Variants in COBL observed in about 807,000 individuals in gnomAD.
COBL encodes cordon-bleu WH2 repeat protein.
In COBL, 51 loss-of-function variants were observed where a neutral mutation model predicts 98.8. The ratio of observed to expected loss-of-function variants is 0.52; its 90% CI spans 0.41 to 0.65. The LOEUF is 0.65. Ranked by LOEUF, COBL falls within the 30% of genes least tolerant of loss-of-function variation. The pLI, the probability that COBL is intolerant of heterozygous loss-of-function variation, is 0.00. For synonymous variants in COBL, 634 were observed against 651.7 expected, an observed-to-expected ratio of 0.97 and a Z score of 0.41; for missense variants, 1,617 against 1,617.5, an observed-to-expected ratio of 1.00 and a Z score of 0.01.
In COBL at chr7:51,027,736, C is replaced by T. The variant is rs887032675; in HGVS notation, c.3360G>A (p.Ala1120=). 4.0e-5 allele frequency: 65 copies of T among 1,613,616 alleles called. No homozygotes were observed. The highest frequency in any genetic ancestry group is 5.0e-5 in the Non-Finnish European group (59 of 1,179,788). The change falls in exon 10 of 13, where the codon GCG becomes GCA. Residue 1120 remains alanine, a synonymous_variant. Transcript: ENST00000265136. ...HSALMEAIHS[A]GGKDRLRKTA... ...CCTTGCGTAGTCTGTCCTTCCCTCC[C>T]GCAGAGTGGATGGCTTCCATCAGGG...
At chr7:51,221,098 C>T (rs777839392) in intron 1 of COBL, among the ~76,000 whole-genome samples, 1 of 152,082 alleles carries the variant, frequency 6.6e-6, no homozygotes, top group African/African-American at 2.4e-5. Flanking sequence ...CTGTGGCTCA[C>T]CTAAAGGCAT....
intron 1 of COBL, among the ~76,000 whole-genome samples, chr7:51,221,665 T>C (rs907176569): frequency 6.6e-6 from 1 of 152,224 alleles, no homozygotes; most frequent in Non-Finnish European, 1.5e-5. Context: ...TTTAGAAAGA[T>C]AAAGAATTGG....
In COBL at chr7:51,240,877, T is replaced by C. The variant is rs184227513; in HGVS notation, c.42-20933A>G. Among the ~76,000 whole-genome samples, 137 of 152,328 alleles carry C rather than the reference T, an allele frequency of 9.0e-4. No individual in the cohort carries two copies. In the Middle Eastern group the frequency reaches 0.01, roughly 11 times the overall value. Reference sequence around the variant, plus strand: ...TTTAAATTAGGTACTACACATCCTTTTTATAAGTGAAATTTACGAGACCAC... The same window carrying C: ...TTTAAATTAGGTACTACACATCCTTCTTATAAGTGAAATTTACGAGACCAC... On this transcript the variant is annotated intron_variant, in intron 1 of 12. Coordinates refer to ENST00000265136, the MANE Select transcript of COBL (RefSeq NM_015198.5).
intron 1 of COBL, among the ~76,000 whole-genome samples, chr7:51,294,208 T>A (rs1302140693): frequency 6.6e-6 from 1 of 151,290 alleles, no homozygotes. Flanking sequence ...GGAGAATCAC[T>A]TGAACCTGGG....
intron 5 of COBL, among the ~76,000 whole-genome samples, chr7:51,165,178 G>A (rs1045770357): frequency 2.0e-5 from 3 of 151,872 alleles, no homozygotes; most frequent in African/African-American, 4.8e-5. Context: ...CAGACTGGCT[G>A]TATGAATGAA....
intron 6 of COBL, among the ~76,000 whole-genome samples, chr7:51,090,128 G>A (rs992284754): frequency 6.6e-6 from 1 of 152,104 alleles, no homozygotes; most frequent in East Asian, 1.9e-4. Context: ...AAAATTCAGT[G>A]AAGAGACAAG....
chr7:51,131,272 T>C (rs926404105), intron 6 of COBL, among the ~76,000 whole-genome samples: 1 of 152,228 alleles, frequency 6.6e-6, no homozygotes, highest in Non-Finnish European at 1.5e-5. Flanking sequence ...TCAATTACAA[T>C]AAAAATGGAT....
At position 51,017,505 on chromosome 7, in the gene COBL, G is replaced by A; in HGVS notation, c.*46C>T. 6.2e-7 allele frequency: 1 copy of A among 1,601,250 alleles called. No individual in the cohort carries two copies. The highest frequency in any genetic ancestry group is 1.7e-5 in the Admixed American group (1 of 60,006). ...TGCAGACTCCTTGAGTGACGCCTGT[G>A]GGCATATTACAGGTGGGTTTCTGCA... On this transcript the variant is annotated 3_prime_UTR_variant, in exon 13 of 13. Coordinates refer to ENST00000265136, the MANE Select transcript of COBL (RefSeq NM_015198.5).
rs1554417020 is a variant in COBL, at chr7:51,178,180, C to CTCTA, written c.783+5921_783+5922insTAGA. On this transcript the variant is annotated intron_variant, in intron 5 of 12. Transcript: ENST00000265136. Reference sequence around the variant, plus strand: ...TGTCTCTCTCTCTCCCTCTCTCTCTCTATATATATATATATACATGTGGTT... The same window carrying CTCTA: ...TGTCTCTCTCTCTCCCTCTCTCTCTCTCTATATATATATATATATACATGTGGTT... 2.0e-3 allele frequency among the ~76,000 whole-genome samples: 295 copies of CTCTA among 148,808 alleles called. 2 individuals carry two copies. The South Asian group carries it at 0.032, about 16-fold the overall frequency.
At chr7:51,311,898 T>C (rs2129220183) in intron 1 of COBL, among the ~76,000 whole-genome samples, 1 of 152,206 alleles carries the variant, frequency 6.6e-6, no homozygotes, top group Non-Finnish European at 1.5e-5. Context: ...AAATACCAAC[T>C]TTTTTTCAGC....
chr7:51,277,654 G>A (rs564424967), intron 1 of COBL, among the ~76,000 whole-genome samples: 1 of 152,164 alleles, frequency 6.6e-6, no homozygotes, highest in South Asian at 2.1e-4. Flanking sequence ...AGGGATGGAC[G>A]GGCTGCTAGA....
chr7:51,261,256 T>TA (rs1359877266), intron 1 of COBL, among the ~76,000 whole-genome samples: 2 of 152,160 alleles, frequency 1.3e-5, no homozygotes, highest in Non-Finnish European at 2.9e-5. Flanking sequence ...CACACGCCTA[T>TA]AAAAAAACTG....
At chr7:51,044,700 T>C (rs1471128827) in intron 7 of COBL, among the ~76,000 whole-genome samples, 1 of 152,202 alleles carries the variant, frequency 6.6e-6, no homozygotes, top group Non-Finnish European at 1.5e-5. Context: ...CCCTAAATAG[T>C]CACTGGATGC....
intron 6 of COBL, among the ~76,000 whole-genome samples, chr7:51,094,965 A>C (rs902874468): frequency 1.1e-4 from 16 of 152,228 alleles, no homozygotes; most frequent in Admixed American, 3.3e-4. Flanking sequence ...ATTTTTATGT[A>C]ATCCTCATGG....
chr7:51,167,513 T>C (rs938382789), intron 5 of COBL, among the ~76,000 whole-genome samples: 14 of 152,102 alleles, frequency 9.2e-5, no homozygotes, highest in Non-Finnish European at 7.4e-5. Context: ...GTAAGCATTC[T>C]ACAAATTCAA....
chr7:51,152,898 T>C (rs1386398706), intron 5 of COBL, among the ~76,000 whole-genome samples: 2 of 152,228 alleles, frequency 1.3e-5, no homozygotes, highest in African/African-American at 4.8e-5. Context: ...ATTCTCTAAC[T>C]TAGATCTGCC....
Position 51,178,332 on chromosome 7 carries a change from T to C in COBL, c.783+5770A>G, listed in dbSNP as rs922582547. Among the ~76,000 whole-genome samples, 84 of 151,890 alleles carry C rather than the reference T, an allele frequency of 5.5e-4. 2 individuals carry two copies. Among genetic ancestry groups the C allele is most frequent in the Non-Finnish European group, 1.0e-4 (7 of 67,942 alleles). On this transcript the variant is annotated intron_variant, in intron 5 of 12. Coordinates refer to ENST00000265136, the MANE Select transcript of COBL (RefSeq NM_015198.5). ...ATGGGTATAGGAAGTTAGAAAAAAA[T>C]GAAAAATATTGCAAAAGGTTATAAA...
intron 2 of COBL, among the ~76,000 whole-genome samples, chr7:51,203,204 T>A (rs1230547320): frequency 3.4e-5 from 5 of 148,450 alleles, no homozygotes; most frequent in African/African-American, 5.0e-5. Flanking sequence ...AACAGAAAAA[T>A]TAAAAAAAAA....
chr7:51,062,241 T>C (rs532022253), intron 7 of COBL, among the ~76,000 whole-genome samples: 2 of 152,136 alleles, frequency 1.3e-5, no homozygotes, highest in Admixed American at 6.5e-5. Context: ...ACAGTGTGGA[T>C]GTTTGCTGCA....
Sources: gnomAD v4.1 joint callset for allele counts (sites outside exome capture counted in the v4.1 genomes callset) on GRCh38, gnomAD v4.1.1 for gene constraint, MANE v1.5 for transcripts, NCBI Gene and HGNC (gene_info 2026-07-23, HGNC 2026-07-21) for gene names.